RUNDC3B: variants seen among roughly 807,000 people sequenced by gnomAD.
RUNDC3B encodes RUN domain-containing protein 3B.
In RUNDC3B, 33 loss-of-function variants were observed where a neutral mutation model predicts 58.4. The ratio of observed to expected loss-of-function variants is 0.56; its 90% confidence interval spans 0.43 to 0.75. The LOEUF is 0.75. Ranked by LOEUF, RUNDC3B falls within the 30% of genes least tolerant of loss-of-function variation. RUNDC3B has a pLI of 0.00. For missense variants in RUNDC3B, 501 were observed against 535.7 expected (o/e 0.94, Z 0.64); for synonymous variants, 193 against 195.2 (o/e 0.99, Z 0.10).
At chr7:87,718,824 C>T (rs1830704790) in intron 4 of RUNDC3B, among the ~76,000 whole-genome samples, 1 of 152,076 alleles carries the variant, frequency 6.6e-6, no homozygotes, top group Non-Finnish European at 1.5e-5. Context: ...TTGCACTCTT[C>T]TTACTAATGT....
At chr7:87,670,829 G>A (rs558199094) in intron 2 of RUNDC3B, among the ~76,000 whole-genome samples, 21 of 152,288 alleles carry the variant, frequency 1.4e-4, no homozygotes, top group African/African-American at 4.8e-4. Flanking sequence ...GTTTGGTTGT[G>A]TGGCTCCCCT....
intron 1 of RUNDC3B, among the ~76,000 whole-genome samples, chr7:87,632,420 T>C (rs10276499): frequency 0.16 from 23,920 of 152,158 alleles, 3,170 homozygotes; most frequent in African/African-American, 0.37. Flanking sequence ...ATTTACATGT[T>C]GTAGACTAAA....
chr7:87,715,576 G>A (rs1282795090), intron 4 of RUNDC3B, among the ~76,000 whole-genome samples: 1 of 142,744 alleles, frequency 7.0e-6, no homozygotes, highest in Non-Finnish European at 1.5e-5. Flanking sequence ...ACTAGAATGT[G>A]GGCATTAATA....
chr7:87,721,662 A>G (rs1035148004), intron 4 of RUNDC3B, among the ~76,000 whole-genome samples: 10 of 152,156 alleles, frequency 6.6e-5, no homozygotes, highest in African/African-American at 2.4e-4. Flanking sequence ...AATTTAGGTT[A>G]GCATTTCTGA....
chr7:87,629,896 C>G (rs1821028265), intron 1 of RUNDC3B, among the ~76,000 whole-genome samples: 1 of 149,160 alleles, frequency 6.7e-6, no homozygotes, highest in African/African-American at 2.5e-5. Flanking sequence ...GCACTCCAGC[C>G]GGGACCACAG....
intron 2 of RUNDC3B, 70 bp downstream of exon 2, chr7:87,651,007 C>A: frequency 1.1e-6 from 1 of 882,342 alleles, no homozygotes; most frequent in Non-Finnish European, 1.8e-6. Context: ...TTTTAGAAAT[C>A]ATACAGTCTG....
At chr7:87,731,016 G>T (rs1168467570) in intron 4 of RUNDC3B, among the ~76,000 whole-genome samples, 2 of 152,034 alleles carry the variant, frequency 1.3e-5, no homozygotes, top group Non-Finnish European at 2.9e-5. Context: ...TTGTGCATGG[G>T]GTGCTTCCTG....
chr7:87,652,601 A>C (rs1402037757), intron 2 of RUNDC3B, among the ~76,000 whole-genome samples: 1 of 133,036 alleles, frequency 7.5e-6, no homozygotes, highest in East Asian at 2.2e-4. Context: ...AATTTCTGTC[A>C]GTTGACTCTT....
chr7:87,707,375 A>T (rs1489502852), intron 3 of RUNDC3B, among the ~76,000 whole-genome samples: 1 of 152,202 alleles, frequency 6.6e-6, no homozygotes, highest in Non-Finnish European at 1.5e-5. Flanking sequence ...TTACTAGATT[A>T]TTGGAATATG....
At chr7:87,785,571 G>A (rs1246590450) in intron 8 of RUNDC3B, among the ~76,000 whole-genome samples, 1 of 152,188 alleles carries the variant, frequency 6.6e-6, no homozygotes, top group African/African-American at 2.4e-5. Flanking sequence ...GGCAGTGCAG[G>A]CTGTGCTCTG....
intron 10 of RUNDC3B, among the ~76,000 whole-genome samples, chr7:87,817,020 C>T (rs554763552): frequency 3.9e-5 from 6 of 152,152 alleles, no homozygotes; most frequent in African/African-American, 1.4e-4. Context: ...TTTCTTTCCT[C>T]CCAGTTTACA....
intron 2 of RUNDC3B, among the ~76,000 whole-genome samples, chr7:87,657,580 C>T (rs1824235637): frequency 6.6e-6 from 1 of 152,150 alleles, no homozygotes; most frequent in Admixed American, 6.6e-5. Flanking sequence ...TCTCTCTTCC[C>T]CAACACCCCC....
chr7:87,687,779 T>A (rs147646766), intron 2 of RUNDC3B, among the ~76,000 whole-genome samples: 1 of 152,296 alleles, frequency 6.6e-6, no homozygotes, highest in African/African-American at 2.4e-5. Context: ...TAAGCATTGC[T>A]CAGGAACTCT....
At position 87,830,526 on chromosome 7, in the gene RUNDC3B, G is replaced by A. The variant is rs993434659; in HGVS notation, c.*496G>A. 2.7e-5 allele frequency: 4 copies of A among 150,494 alleles called. No individual in the cohort carries two copies. Among genetic ancestry groups the A allele is most frequent in the Admixed American group, 6.7e-5 (1 of 15,030 alleles). The allele number at this position is 150,494 out of a possible 1,614,324, so 9.3% of individuals were successfully genotyped here. A position where few individuals can be genotyped will look rare whatever the true frequency, so the allele number is the denominator to read the frequency against. On this transcript the variant is annotated 3_prime_UTR_variant, in exon 11 of 11. Transcript: ENST00000394654. ...CTTTAAATGCCTTGTTTTTAATAAC[G>A]GGAAAGTTCTCAGCTGCATTTTCAC...
chr7:87,803,472 A>C (rs1234568237), intron 8 of RUNDC3B, among the ~76,000 whole-genome samples: 1 of 152,222 alleles, frequency 6.6e-6, no homozygotes, highest in Non-Finnish European at 1.5e-5. Flanking sequence ...TAAGAAACAA[A>C]ATTTTACTTT....
At chr7:87,753,006 G>T (rs1833115710) in intron 6 of RUNDC3B, among the ~76,000 whole-genome samples, 1 of 151,902 alleles carries the variant, frequency 6.6e-6, no homozygotes, top group African/African-American at 2.4e-5. Flanking sequence ...TTCTCTTGTG[G>T]TCATTTAGTG....
At chr7:87,800,690 C>G (rs771961546) in intron 8 of RUNDC3B, among the ~76,000 whole-genome samples, 2 of 150,822 alleles carry the variant, frequency 1.3e-5, no homozygotes, top group Non-Finnish European at 3.0e-5. Flanking sequence ...CTCTGTCATC[C>G]AGGCTGGAGT....
At chr7:87,637,917 A>G (rs895715948) in intron 1 of RUNDC3B, among the ~76,000 whole-genome samples, 3 of 151,888 alleles carry the variant, frequency 2.0e-5, no homozygotes, top group African/African-American at 4.8e-5. Flanking sequence ...TGCACTGGCT[A>G]GGACCACTAA....
chr7:87,757,151 C>CA (rs1563189043), intron 6 of RUNDC3B, among the ~76,000 whole-genome samples: 2 of 152,140 alleles, frequency 1.3e-5, no homozygotes, highest in Non-Finnish European at 2.9e-5. Context: ...CACAACCCCC[C>CA]ACGAGCTCCT....
Sources: gnomAD v4.1 joint callset for allele counts (sites outside exome capture counted in the v4.1 genomes callset) on GRCh38, gnomAD v4.1.1 for gene constraint, MANE v1.5 for transcripts, NCBI Gene and HGNC (gene_info 2026-07-23, HGNC 2026-07-21) for gene names.